NUBP1: variants seen among roughly 807,000 people sequenced by gnomAD.
NUBP1 encodes cytosolic Fe-S cluster assembly factor NUBP1.
Under a neutral mutation model 41.8 loss-of-function variants are expected in NUBP1, and 46 were observed. The observed-to-expected ratio is 1.10, with a 90% CI of 0.87 to 1.41. The LOEUF is 1.41. Among genes scored for constraint, NUBP1 ranks in the 40% most tolerant of loss-of-function variants. The pLI is 0.00. For synonymous variants in NUBP1, 189 were observed against 154.6 expected, an observed-to-expected ratio of 1.22 and a Z score of -1.65; for missense variants, 494 against 414.0, an observed-to-expected ratio of 1.19 and a Z score of -1.68.
At chr16:10,763,800 C>G (rs1488413305) in intron 9 of NUBP1, 1 of 156,594 alleles carries the variant, frequency 6.4e-6, no homozygotes, top group East Asian at 1.9e-4. Flanking sequence ...CGTTAGCCCA[C>G]GATGAAGGAG....
chr16:10,761,814 T>C lies in NUBP1; in HGVS notation c.775T>C (p.Leu259=), dbSNP rs751415544. ...TGGAELMCQD[L]EVPLLGRVPL... is the part of the protein sequence containing the mutation. ...GGGCGCGGAGCTCATGTGCCAGGAC[T>C]TGGAGGTCCCTCTCCTCGGCAGAGT... Residue 259 remains leucine, a synonymous_variant, in exon 9 of 11, where the codon TTG becomes CTG. Transcript: ENST00000283027. The C allele has an allele frequency of 6.2e-7, 1 of 1,614,112 alleles. No homozygotes were observed. Among genetic ancestry groups the C allele is most frequent in the Admixed American group, 1.7e-5 (1 of 60,024 alleles).
intron 7 of NUBP1, among the ~76,000 whole-genome samples, chr16:10,760,011 G>A (rs2697655): frequency 0.017 from 2,531 of 152,292 alleles, 86 homozygotes; most frequent in African/African-American, 0.058. Flanking sequence ...AGGGATCTGT[G>A]ATAACATTAA....
At chr16:10,748,324 T>A (rs1261894435) in intron 3 of NUBP1, among the ~76,000 whole-genome samples, 2 of 152,198 alleles carry the variant, frequency 1.3e-5, no homozygotes, top group Non-Finnish European at 2.9e-5. Flanking sequence ...AGCCTAATAA[T>A]ATATTTGCTG....
Position 10,766,970 on chromosome 16 carries a change from T to TC in NUBP1, c.821-978dup. 2.5e-6 allele frequency: 1 copy of TC among 398,674 alleles called. No individual in the cohort carries two copies. The highest frequency in any genetic ancestry group is 3.6e-5 in the East Asian group (1 of 28,074). The allele number at this position is 398,674 out of a possible 1,614,324, so 24.7% of individuals were successfully genotyped here. ...CTCACTGGGCCATATGGGCTCCCCATCTCCCACCAACCCCTCCCCACAGGC... is the reference window on the plus strand; with the variant it reads ...CTCACTGGGCCATATGGGCTCCCCATCCTCCCACCAACCCCTCCCCACAGGC... On this transcript the variant is annotated intron_variant, in intron 9 of 10. Coordinates refer to ENST00000283027, the MANE Select transcript of NUBP1 (RefSeq NM_002484.4). The surrounding 1 kb of genome is among the most constrained non-coding windows in gnomAD (Gnocchi z 4.8).
intron 7 of NUBP1, 38 bp from the exon 8 acceptor site, chr16:10,761,326 C>A (rs749225198): frequency 1.3e-6 from 2 of 1,592,878 alleles, no homozygotes; most frequent in South Asian, 2.2e-5. Flanking sequence ...CTTTCTCGCA[C>A]TTTGATGCTG....
rs1004019705 is a variant in NUBP1, at chr16:10,768,983, A to G, written c.905-64A>G. 3.5e-6 allele frequency: 5 copies of G among 1,446,884 alleles called. No individual in the cohort carries two copies. The highest frequency in any genetic ancestry group is 4.9e-6 in the Non-Finnish European group (5 of 1,029,248). 89.6% of individuals were successfully genotyped at this position (1,446,884 alleles called of 1,614,324 possible). On this transcript the variant is annotated intron_variant, in intron 10 of 10. Coordinates refer to ENST00000283027, the MANE Select transcript of NUBP1 (RefSeq NM_002484.4). The surrounding 1 kb of genome is among the most constrained non-coding windows in gnomAD (Gnocchi z 4.3). Reference sequence around the variant, plus strand: ...GTCAAAACACAGCCCTCCCCAGCACAGGACAGGGCTGTCAAGGGGTAGACA... The same window carrying G: ...GTCAAAACACAGCCCTCCCCAGCACGGGACAGGGCTGTCAAGGGGTAGACA...
At chr16:10,748,347 GA>G (rs1900155892) in intron 3 of NUBP1, among the ~76,000 whole-genome samples, 2 of 152,138 alleles carry the variant, frequency 1.3e-5, no homozygotes, top group African/African-American at 4.8e-5. Context: ...GGCCCTTGTG[GA>G]AAATTTTTGC....
chr16:10,754,698 G>C (rs1350248953), intron 4 of NUBP1, among the ~76,000 whole-genome samples: 4 of 152,178 alleles, frequency 2.6e-5, no homozygotes, highest in Admixed American at 1.3e-4. Flanking sequence ...ACTGTGGGGG[G>C]TGGTGACAGC....
chr16:10,756,010 TAA>T lies in NUBP1; in HGVS notation c.360+260_360+261del, dbSNP rs574238814. On this transcript the variant is annotated intron_variant, in intron 5 of 10. Transcript: ENST00000283027. ...CTGAACAACCAGGACAGTATTCCAA[TAA>T]AAGTTTATTTACAAACACAGATGGT... Among the ~76,000 whole-genome samples, 50 of 152,302 alleles carry T rather than the reference TAA, an allele frequency of 3.3e-4. 1 individual carries two copies. In the East Asian group the frequency reaches 9.1e-3, roughly 28 times the overall value.
At chr16:10,752,785 T>G (rs1900379524) in intron 4 of NUBP1, 107 bp downstream of exon 4, 3 of 955,062 alleles carry the variant, frequency 3.1e-6, no homozygotes, top group East Asian at 5.1e-5. Flanking sequence ...TAAATGTTTT[T>G]TTGTTGTTGT....
At chr16:10,753,120 G>A (rs904116880) in intron 4 of NUBP1, among the ~76,000 whole-genome samples, 1 of 120,552 alleles carries the variant, frequency 8.3e-6, no homozygotes, top group Non-Finnish European at 1.6e-5. Context: ...GACATGAGGA[G>A]CTCATACATG....
chr16:10,747,087 T>G, intron 2 of NUBP1, 56 bp from the exon 3 acceptor site: 5 of 1,603,118 alleles, frequency 3.1e-6, no homozygotes, highest in Non-Finnish European at 3.4e-6. Flanking sequence ...ACTGGAAGCG[T>G]GACATTCGAG....
rs1900644890 is a variant in NUBP1 at position 10,757,616 on chromosome 16, G to A, written c.452-257G>A. Among the ~76,000 whole-genome samples, 1 of 152,226 alleles carries A rather than the reference G, an allele frequency of 6.6e-6. No individual in the cohort carries two copies. Among genetic ancestry groups the A allele is most frequent in the East Asian group, 1.9e-4 (1 of 5,172 alleles). ...CTCCAGACATTGCAATTCACTCCCAGTTGAGAGCCACTGACTTACAGCATA... is the reference window on the plus strand; with the variant it reads ...CTCCAGACATTGCAATTCACTCCCAATTGAGAGCCACTGACTTACAGCATA... On this transcript the variant is annotated intron_variant, in intron 6 of 10. Transcript: ENST00000283027. The surrounding 1 kb of genome is among the most constrained non-coding windows in gnomAD (Gnocchi z 4.1).
At chr16:10,746,596 C>T (rs182356268) in intron 2 of NUBP1, among the ~76,000 whole-genome samples, 3 of 152,194 alleles carry the variant, frequency 2.0e-5, no homozygotes, top group East Asian at 3.9e-4. Context: ...CAAAAATTAG[C>T]CAGGCATGGT....
chr16:10,754,864 G>A lies in NUBP1; in HGVS notation c.328-857G>A, dbSNP rs1900481924. ...GTTTGAGACCAGGCTGGCCAACATG[G>A]TGAAACCCCGTCTCTACAAAAAATA... On this transcript the variant is annotated intron_variant, in intron 4 of 10. Coordinates refer to ENST00000283027, the MANE Select transcript of NUBP1 (RefSeq NM_002484.4). Among the ~76,000 whole-genome samples, 3 of 151,974 alleles carry A rather than the reference G, an allele frequency of 2.0e-5. No individual in the cohort carries two copies. The South Asian group carries it at 6.3e-4, about 32-fold the overall frequency.
At chr16:10,762,556 G>A (rs2030105172) in intron 9 of NUBP1, among the ~76,000 whole-genome samples, 1 of 152,246 alleles carries the variant, frequency 6.6e-6, no homozygotes, top group Non-Finnish European at 1.5e-5. Context: ...CGCGGAGCCG[G>A]GCGGGCCTCC....
At chr16:10,761,971 A>G (rs561080948) in intron 9 of NUBP1, 112 bp downstream of exon 9, 3 of 807,702 alleles carry the variant, frequency 3.7e-6, no homozygotes, top group African/African-American at 1.7e-5. Flanking sequence ...AGGAGGGTCA[A>G]TGGGGCGCTG....
At chr16:10,756,535 T>G (rs1900568878) in intron 5 of NUBP1, among the ~76,000 whole-genome samples, 155 bp from the exon 6 acceptor site, 1 of 151,816 alleles carries the variant, frequency 6.6e-6, no homozygotes. Flanking sequence ...CAAAAATGAT[T>G]TAGGAGCAAA....
Position 10,767,930 on chromosome 16 carries a change from CGTTT to C in NUBP1, c.821-14_821-11del, listed in dbSNP as rs750371999. The C allele has an allele frequency of 1.7e-5, 27 of 1,611,774 alleles. No homozygotes were observed. Among genetic ancestry groups the C allele is most frequent in the South Asian group, 3.3e-5 (3 of 91,040 alleles). On this transcript the variant is annotated splice_polypyrimidine_tract_variant and intron_variant, in intron 9 of 10. Transcript: ENST00000283027. The surrounding 1 kb of genome is among the most constrained non-coding windows in gnomAD (Gnocchi z 4.6). The stretch of plus-strand genomic sequence containing the variant: ...TTTCCTCTTGGACTGAATTGTCTTC[CGTTT>C]GTTTCTTTTTTAAGGTAAGAATTGT...
Sources: gnomAD v4.1 joint callset for allele counts (sites outside exome capture counted in the v4.1 genomes callset) on GRCh38, gnomAD v4.1.1 for gene constraint, Gnocchi (gnomAD v3.1) non-coding constraint, MANE v1.5 for transcripts, NCBI Gene and HGNC (gene_info 2026-07-23, HGNC 2026-07-21) for gene names.